KCNIP4: variants seen among roughly 807,000 people sequenced by gnomAD.
KCNIP4 encodes Kv channel-interacting protein 4.
In KCNIP4, 12 loss-of-function variants were observed where a neutral mutation model predicts 34.0. The observed-to-expected ratio is 0.35, with a 90% CI of 0.23 to 0.57. KCNIP4 has a LOEUF of 0.57. KCNIP4 is among the 20% of genes least tolerant of loss of function. KCNIP4 has a pLI of 0.83. For missense variants in KCNIP4, 238 were observed against 311.7 expected (o/e 0.76, Z 1.78); for synonymous variants, 124 against 102.2 (o/e 1.21, Z -1.29).
intron 1 of KCNIP4, among the ~76,000 whole-genome samples, chr4:21,121,112 T>C (rs185129449): frequency 1.1e-3 from 164 of 152,296 alleles, no homozygotes; most frequent in Non-Finnish European, 1.9e-3. Flanking sequence ...TTGTCCCCAA[T>C]TCTCCAGCAA....
intron 5 of KCNIP4, among the ~76,000 whole-genome samples, chr4:20,737,374 T>G: frequency 6.6e-6 from 1 of 151,726 alleles, no homozygotes; most frequent in Admixed American, 6.6e-5. Flanking sequence ...TCCAGTGGAG[T>G]AGGAGTGAAG....
At chr4:20,831,850 T>C (rs1718465129) in intron 3 of KCNIP4, among the ~76,000 whole-genome samples, 1 of 152,206 alleles carries the variant, frequency 6.6e-6, no homozygotes, top group Non-Finnish European at 1.5e-5. Context: ...CTCTGTTGTG[T>C]GTGGTGCTTA....
intron 1 of KCNIP4, among the ~76,000 whole-genome samples, chr4:21,564,357 G>A (rs1577603202): frequency 1.3e-5 from 2 of 152,166 alleles, no homozygotes; most frequent in East Asian, 1.9e-4. Flanking sequence ...CACCTATCCA[G>A]CCCTCCAACA....
intron 1 of KCNIP4, among the ~76,000 whole-genome samples, chr4:21,915,995 G>T (rs1728608486): frequency 6.6e-6 from 1 of 152,180 alleles, no homozygotes; most frequent in African/African-American, 2.4e-5. Context: ...GTTACAAACT[G>T]CTGATTCCCA....
chr4:21,638,905 C>T (rs939058247), intron 1 of KCNIP4, among the ~76,000 whole-genome samples: 7 of 152,078 alleles, frequency 4.6e-5, no homozygotes, highest in Non-Finnish European at 8.8e-5. Flanking sequence ...ATAAGGTATC[C>T]AGGTGTGTTC....
intron 1 of KCNIP4, among the ~76,000 whole-genome samples, chr4:21,521,452 T>C (rs965621316): frequency 6.6e-6 from 1 of 152,130 alleles, no homozygotes; most frequent in African/African-American, 2.4e-5. Context: ...CTTTGATCTC[T>C]CTACTTGGAG....
chr4:21,195,079 T>A (rs1037485350), intron 1 of KCNIP4, among the ~76,000 whole-genome samples: 6 of 152,066 alleles, frequency 3.9e-5, no homozygotes, highest in African/African-American at 1.4e-4. Context: ...TCCTCTATAT[T>A]CTCCTGGGAA....
intron 1 of KCNIP4, among the ~76,000 whole-genome samples, chr4:21,504,921 T>A (rs946169432): frequency 3.9e-5 from 6 of 152,172 alleles, no homozygotes; most frequent in African/African-American, 1.4e-4. Context: ...TTACAGAAAA[T>A]CTGTCCTCTT....
rs371198288 is a variant in KCNIP4 at position 21,867,683 on chromosome 4, A to C, written c.61+80888T>G. Among the ~76,000 whole-genome samples, 76 of 152,312 alleles carry C rather than the reference A, an allele frequency of 5.0e-4. No homozygotes were observed. In the South Asian group the frequency reaches 0.013, roughly 27 times the overall value. On this transcript the variant is annotated intron_variant, in intron 1 of 8. Coordinates refer to ENST00000382152, the MANE Select transcript of KCNIP4 (RefSeq NM_025221.6). The stretch of plus-strand genomic sequence containing the variant: ...CAGGCCAAAACCTCTACATGGAAAA[A>C]CGGTTCTCACCAAATCAATTGAGCA...
At chr4:21,575,796 G>T (rs1285073855) in intron 1 of KCNIP4, among the ~76,000 whole-genome samples, 3 of 152,154 alleles carry the variant, frequency 2.0e-5, no homozygotes, top group Non-Finnish European at 4.4e-5. Context: ...AGTATGAAAA[G>T]TATCACAAAT....
intron 1 of KCNIP4, among the ~76,000 whole-genome samples, chr4:21,699,758 T>G (rs1234899974): frequency 1.3e-5 from 2 of 152,104 alleles, no homozygotes; most frequent in Non-Finnish European, 2.9e-5. Flanking sequence ...ATGTGAAGCC[T>G]TATAGCTGGG....
At position 21,150,602 on chromosome 4, in the gene KCNIP4, C is replaced by A. The variant is rs191617063; in HGVS notation, c.62-267893G>T. ...GAGGAGTTTATAAGCATAAAGGGAG[C>A]AAGAAATATCAACATGGCTCAAGTG... On this transcript the variant is annotated intron_variant, in intron 1 of 8. Coordinates refer to ENST00000382152, the MANE Select transcript of KCNIP4 (RefSeq NM_025221.6). Among the ~76,000 whole-genome samples, 6 of 152,264 alleles carry A rather than the reference C, an allele frequency of 3.9e-5. No individual in the cohort carries two copies. The East Asian group carries it at 7.7e-4, about 20-fold the overall frequency.
chr4:21,261,232 A>G (rs563679779), intron 1 of KCNIP4, among the ~76,000 whole-genome samples: 1 of 152,336 alleles, frequency 6.6e-6, no homozygotes, highest in South Asian at 2.1e-4. Flanking sequence ...GCTTTAAATC[A>G]ATGCTTGGCT....
At chr4:21,151,933 A>T (rs1019666793) in intron 1 of KCNIP4, among the ~76,000 whole-genome samples, 2 of 152,126 alleles carry the variant, frequency 1.3e-5, no homozygotes, top group African/African-American at 4.8e-5. Flanking sequence ...CAATACTGTA[A>T]ATACTTCTAT....
intron 1 of KCNIP4, among the ~76,000 whole-genome samples, chr4:21,272,242 G>T (rs1236981334): frequency 6.6e-6 from 1 of 152,160 alleles, no homozygotes; most frequent in Non-Finnish European, 1.5e-5. Context: ...TTGTTGGGAA[G>T]TGTAAATGAA....
intron 1 of KCNIP4, among the ~76,000 whole-genome samples, chr4:21,107,851 A>G (rs1040019693): frequency 2.0e-5 from 3 of 150,972 alleles, no homozygotes; most frequent in Non-Finnish European, 4.4e-5. Flanking sequence ...TTTCTCCTTC[A>G]CTTATGAAGC....
chr4:21,682,981 T>C (rs1750496622), intron 1 of KCNIP4, among the ~76,000 whole-genome samples: 1 of 152,166 alleles, frequency 6.6e-6, no homozygotes, highest in African/African-American at 2.4e-5. Flanking sequence ...GAAGTGAACA[T>C]GTGTTTTTGG....
At chr4:20,844,128 G>A (rs1720086574) in intron 3 of KCNIP4, among the ~76,000 whole-genome samples, 1 of 152,148 alleles carries the variant, frequency 6.6e-6, no homozygotes, top group African/African-American at 2.4e-5. Context: ...CATGTCCAGA[G>A]AATCTAAGCC....
chr4:21,175,233 A>C (rs940372871), intron 1 of KCNIP4, among the ~76,000 whole-genome samples: 3 of 152,178 alleles, frequency 2.0e-5, no homozygotes, highest in Non-Finnish European at 2.9e-5. Flanking sequence ...GTCATAGAAG[A>C]AAATAAGATG....
Sources: gnomAD v4.1 joint callset for allele counts (sites outside exome capture counted in the v4.1 genomes callset) on GRCh38, gnomAD v4.1.1 for gene constraint, MANE v1.5 for transcripts, NCBI Gene and HGNC (gene_info 2026-07-23, HGNC 2026-07-21) for gene names.